Variants in RASGRF1 observed in about 807,000 individuals in gnomAD.
The protein encoded by RASGRF1 is Ras protein specific guanine nucleotide releasing factor 1, also known as ras-specific guanine nucleotide-releasing factor 1.
RASGRF1 carries 40 observed loss-of-function variants against 138.7 expected under a neutral mutation model. The observed-to-expected ratio is 0.29, with a 90% confidence interval of 0.22 to 0.38. RASGRF1 has a LOEUF of 0.38. Among genes scored for constraint, RASGRF1 ranks in the 10% least tolerant of loss-of-function variants. The pLI, the probability that RASGRF1 is intolerant of heterozygous loss-of-function variation, is 1.00. For synonymous variants in RASGRF1, 614 were observed against 663.2 expected, an observed-to-expected ratio of 0.93 and a Z score of 1.14; for missense variants, 1,108 against 1,650.4, an observed-to-expected ratio of 0.67 and a Z score of 5.69.
intron 1 of RASGRF1, among the ~76,000 whole-genome samples, chr15:79,064,952 C>T (rs762950548): frequency 2.6e-5 from 4 of 152,162 alleles, no homozygotes; most frequent in Non-Finnish European, 5.9e-5. Context: ...GGGGTTAGAG[C>T]GATGAGTAAA....
At chr15:78,974,218 C>T (rs1055109434) in intron 24 of RASGRF1, among the ~76,000 whole-genome samples, 12 of 152,168 alleles carry the variant, frequency 7.9e-5, no homozygotes, top group Admixed American at 3.9e-4. Flanking sequence ...GCCCGGCGGT[C>T]GTTATGTGCC....
At chr15:79,048,342 T>G (rs1161452730) in intron 4 of RASGRF1, among the ~76,000 whole-genome samples, 1 of 151,816 alleles carries the variant, frequency 6.6e-6, no homozygotes, top group Non-Finnish European at 1.5e-5. Context: ...CTGCTGGGCC[T>G]TCTGCTTTTT....
intron 1 of RASGRF1, among the ~76,000 whole-genome samples, chr15:79,084,886 A>G (rs1330709457): frequency 1.3e-5 from 2 of 152,126 alleles, no homozygotes; most frequent in East Asian, 3.9e-4. Context: ...GTTACAACCA[A>G]TGGGATGGCA....
chr15:78,975,439 G>A lies in RASGRF1; in HGVS notation c.3495-2019C>T, dbSNP rs374215608. On this transcript the variant is annotated intron_variant, in intron 24 of 26. Transcript: ENST00000558480. ...TAAGGAGCATCCAGCCACTGGAGGG[G>A]CTGCTTTGCATCCTTCCATCCCTTC... Among the ~76,000 whole-genome samples, 14 of 149,686 alleles carry A rather than the reference G, an allele frequency of 9.4e-5. No homozygotes were observed. In the East Asian group the frequency reaches 9.7e-4, roughly 10 times the overall value.
intron 11 of RASGRF1, 93 bp downstream of exon 11, chr15:79,019,948 C>A: frequency 6.7e-7 from 1 of 1,495,480 alleles, no homozygotes; most frequent in Non-Finnish European, 9.2e-7. Flanking sequence ...TCCATTCCTC[C>A]CAAAGAAACT....
chr15:78,980,908 CATCTCTCAGAAGCAA>C, intron 23 of RASGRF1: 1 of 415,060 alleles, frequency 2.4e-6, no homozygotes, highest in Non-Finnish European at 4.3e-6. Context: ...TGTGCTCCCA[CATCTCTCAGAAGCAA>C]GGAAGTGGGT....
chr15:78,997,919 A>G, intron 19 of RASGRF1, 177 bp downstream of exon 19: 2 of 604,798 alleles, frequency 3.3e-6, no homozygotes, highest in Non-Finnish European at 5.9e-6. Context: ...CAAATAGACT[A>G]CCCAGCCCTG....
At chr15:79,031,118 A>G (rs2140998786) in intron 8 of RASGRF1, among the ~76,000 whole-genome samples, 1 of 152,322 alleles carries the variant, frequency 6.6e-6, no homozygotes, top group South Asian at 2.1e-4. Flanking sequence ...AGTCATGGAC[A>G]GTCCCTCTCC....
intron 26 of RASGRF1, among the ~76,000 whole-genome samples, chr15:78,963,367 T>C (rs796159068): frequency 2.0e-5 from 3 of 152,024 alleles, no homozygotes; most frequent in African/African-American, 7.2e-5. Flanking sequence ...AGTGGTGCAA[T>C]CTGGGCTCAC....
At chr15:78,978,524 C>G in intron 24 of RASGRF1, 1 of 985,824 alleles carries the variant, frequency 1.0e-6, no homozygotes, top group Non-Finnish European at 1.2e-6. Context: ...TGTGCCTAGC[C>G]CGAATTGGAT....
At chr15:79,016,594 C>A (rs917110055) in intron 12 of RASGRF1, among the ~76,000 whole-genome samples, 1 of 152,176 alleles carries the variant, frequency 6.6e-6, no homozygotes, top group Non-Finnish European at 1.5e-5. Flanking sequence ...TTGACGGCTG[C>A]GGCTCACTGG....
chr15:79,049,673 G>T, intron 3 of RASGRF1, 85 bp from the exon 4 acceptor site: 1 of 1,190,094 alleles, frequency 8.4e-7, no homozygotes, highest in South Asian at 1.4e-5. Context: ...CAGGAACAGG[G>T]TGGCAGCCGA....
Position 79,050,655 on chromosome 15 carries a change from C to G in RASGRF1, c.532-1067G>C, listed in dbSNP as rs773442985. Among the ~76,000 whole-genome samples the G allele has an allele frequency of 6.6e-6, 1 of 152,162 alleles. No homozygotes were observed. ...TGCATAATTTGGGGATCACAGATGT[C>G]GACATAGCTGCAAGAACAAAACCAA... On this transcript the variant is annotated intron_variant, in intron 3 of 26. Coordinates refer to ENST00000558480, the MANE Select transcript of RASGRF1 (RefSeq NM_001145648.3). The surrounding 1 kb of genome is among the most constrained non-coding windows in gnomAD (Gnocchi z 4.1).
At chr15:78,964,462 A>T (rs2055605621) in intron 26 of RASGRF1, among the ~76,000 whole-genome samples, 1 of 152,224 alleles carries the variant, frequency 6.6e-6, no homozygotes. Context: ...GGCATGAGCC[A>T]CTGGCCCTGG....
rs774843151 is a variant in RASGRF1 at position 79,058,469 on chromosome 15, G to A, written c.396C>T (p.Leu132=). Residue 132 remains leucine, a synonymous_variant, in exon 3 of 27, where the codon CTC becomes CTT. Transcript: ENST00000558480. ...GCATTAATGCCTCATGCTCTGTGGC[G>A]AGGGTCCTGTAGCTGTGGACAGATG... The part of the protein sequence containing the change: ...AAIAHASYRT[L]ATEHEALMQK... 9 of 1,614,174 alleles carry A rather than the reference G, an allele frequency of 5.6e-6. No homozygotes were observed. Among genetic ancestry groups the A allele is most frequent in the Non-Finnish European group, 7.6e-6 (9 of 1,180,018 alleles).
intron 20 of RASGRF1, 114 bp from the exon 21 acceptor site, chr15:78,991,908 C>T (rs1039239258): frequency 3.0e-5 from 21 of 695,912 alleles, no homozygotes; most frequent in South Asian, 1.7e-4. Flanking sequence ...GGCGGGTGGA[C>T]GGGGTATGAC....
chr15:79,001,909 C>T, intron 15 of RASGRF1, 122 bp from the exon 16 acceptor site: 1 of 640,610 alleles, frequency 1.6e-6, no homozygotes, highest in Non-Finnish European at 2.2e-6. Flanking sequence ...TGGGATACAG[C>T]CACTGAAGAA....
chr15:78,992,252 G>A (rs561536672), intron 20 of RASGRF1, among the ~76,000 whole-genome samples: 4 of 152,378 alleles, frequency 2.6e-5, no homozygotes, highest in Admixed American at 2.6e-4. Context: ...ACTAGCAGGT[G>A]TGGACTCCCA....
chr15:79,026,724 G>A (rs2057061421), intron 9 of RASGRF1, among the ~76,000 whole-genome samples: 1 of 152,226 alleles, frequency 6.6e-6, no homozygotes, highest in Non-Finnish European at 1.5e-5. Context: ...CCCACCCCAG[G>A]AGGGGTCATT....
Sources: allele counts gnomAD v4.1 joint callset (sites outside exome capture counted in the v4.1 genomes callset), GRCh38; gene constraint gnomAD v4.1.1; non-coding constraint Gnocchi (gnomAD v3.1); transcripts MANE v1.5; gene names NCBI Gene and HGNC (gene_info 2026-07-23, HGNC 2026-07-21).